The following GRHL2 variants were observed in gnomAD, a reference collection of about 807,000 sequenced individuals.
GRHL2 encodes the protein grainyhead-like protein 2 homolog.
A neutral mutation model predicts 83.8 loss-of-function variants in GRHL2; 21 were observed. The ratio of observed to expected loss-of-function variants is 0.25; its 90% CI spans 0.18 to 0.36. The LOEUF is 0.36. GRHL2 is among the 10% of genes least tolerant of loss of function. The probability of loss-of-function intolerance (pLI) is 1.00; values close to 1 mark genes in which losing one functional copy is unlikely to be tolerated. For synonymous variants in GRHL2, 280 were observed against 278.9 expected (o/e 1.00, Z -0.04); for missense variants, 623 against 781.8 (o/e 0.80, Z 2.42).
At chr8:101,646,855 G>A (rs929518269) in intron 13 of GRHL2, among the ~76,000 whole-genome samples, 2 of 152,208 alleles carry the variant, frequency 1.3e-5, no homozygotes, top group Admixed American at 6.5e-5. Flanking sequence ...TGGCTCCCTG[G>A]GAAAGCTGTG....
intron 12 of GRHL2, among the ~76,000 whole-genome samples, chr8:101,643,192 C>T (rs905168528): frequency 2.0e-5 from 3 of 152,010 alleles, no homozygotes; most frequent in Admixed American, 1.3e-4. Flanking sequence ...AGGATCATGG[C>T]ATCTGGGATT....
At chr8:101,494,280 T>A (rs1810048375) in intron 1 of GRHL2, among the ~76,000 whole-genome samples, 1 of 152,088 alleles carries the variant, frequency 6.6e-6, no homozygotes, top group Non-Finnish European at 1.5e-5. Flanking sequence ...AGGACTAGCC[T>A]CAACATAAAG....
Position 101,642,668 on chromosome 8 carries a change from C to A in GRHL2, c.1518-1463C>A, listed in dbSNP as rs147653906. ...CTGGGATCTGGGTTTTAAGTTTTTT[C>A]TCTAGTTGTTTCCATAGTTTGACTT... On this transcript the variant is annotated intron_variant, in intron 12 of 15. Transcript: ENST00000646743. Among the ~76,000 whole-genome samples, 554 of 152,226 alleles carry A rather than the reference C, an allele frequency of 3.6e-3. 1 individual carries two copies. Among genetic ancestry groups the A allele is most frequent in the African/African-American group, 0.012 (502 of 41,546 alleles).
chr8:101,662,023 A>T (rs1286221027), intron 14 of GRHL2, among the ~76,000 whole-genome samples: 1 of 152,200 alleles, frequency 6.6e-6, no homozygotes, highest in Non-Finnish European at 1.5e-5. Context: ...TTCTGACACT[A>T]TTGAGATTGC....
At position 101,652,384 on chromosome 8, in the gene GRHL2, G is replaced by GTGGTGT. The variant is rs1372190037; in HGVS notation, c.1698+2885_1698+2886insTGGTGT. Reference sequence around the variant, plus strand: ...GTGTGTGTGTGTCTGATGTGTGTGTGGTGTGTGTGTGTGTCTGGTGTGTGT... The same window carrying GTGGTGT: ...GTGTGTGTGTGTCTGATGTGTGTGTGTGGTGTGTGTGTGTGTGTGTCTGGTGTGTGT... On this transcript the variant is annotated intron_variant, in intron 14 of 15. Coordinates refer to ENST00000646743, the MANE Select transcript of GRHL2 (RefSeq NM_024915.4). Among the ~76,000 whole-genome samples, 11 of 61,440 alleles carry GTGGTGT rather than the reference G, an allele frequency of 1.8e-4. 1 individual carries two copies. Among genetic ancestry groups the GTGGTGT allele is most frequent in the South Asian group, 5.6e-4 (1 of 1,790 alleles). The allele number at this position is 61,440 out of a possible 152,430, so 40.3% of individuals were successfully genotyped here.
intron 4 of GRHL2, among the ~76,000 whole-genome samples, chr8:101,567,114 T>G (rs2222622): frequency 0.043 from 6,478 of 152,312 alleles, 429 homozygotes; most frequent in African/African-American, 0.15. Context: ...TTGAGACATA[T>G]TCTTACCAGA....
At chr8:101,648,352 G>A (rs13262244) in intron 13 of GRHL2, among the ~76,000 whole-genome samples, 65,193 of 152,038 alleles carry the variant, frequency 0.43, 16,587 homozygotes, top group Non-Finnish European at 0.56. Flanking sequence ...TACTCTCTAC[G>A]TTCTGAAATT....
chr8:101,575,633 C>T (rs866554066), intron 6 of GRHL2, among the ~76,000 whole-genome samples: 3 of 152,158 alleles, frequency 2.0e-5, no homozygotes, highest in African/African-American at 2.4e-5. Flanking sequence ...TTTCAAACTG[C>T]GTTTTCCTTT....
intron 3 of GRHL2, among the ~76,000 whole-genome samples, chr8:101,557,432 C>T (rs1376956841): frequency 6.6e-6 from 1 of 151,988 alleles, no homozygotes; most frequent in Non-Finnish European, 1.5e-5. Flanking sequence ...CCATTTTGGC[C>T]AGGCTGGTCT....
intron 3 of GRHL2, among the ~76,000 whole-genome samples, chr8:101,557,589 G>C (rs6994300): frequency 6.6e-6 from 1 of 152,064 alleles, no homozygotes; most frequent in African/African-American, 2.4e-5. Flanking sequence ...CCCATTGCCT[G>C]ATAATTGCCT....
downstream of GRHL2, among the ~76,000 whole-genome samples, chr8:101,671,378 C>T (rs571976379): frequency 1.2e-4 from 18 of 152,182 alleles, no homozygotes; most frequent in Admixed American, 3.9e-4. Flanking sequence ...GCACGTGGCT[C>T]GGAGGGTCCT....
chr8:101,572,924 C>T (rs1451117843), intron 5 of GRHL2, among the ~76,000 whole-genome samples: 2 of 152,206 alleles, frequency 1.3e-5, no homozygotes, highest in Non-Finnish European at 2.9e-5. Flanking sequence ...ACCACAACGA[C>T]TCAACCTTGC....
intron 1 of GRHL2, among the ~76,000 whole-genome samples, chr8:101,512,724 G>T (rs1414449851): frequency 1.3e-5 from 2 of 152,114 alleles, no homozygotes; most frequent in Non-Finnish European, 2.9e-5. Flanking sequence ...CTTTTATTAC[G>T]CTGGTCGGGA....
intron 14 of GRHL2, among the ~76,000 whole-genome samples, chr8:101,657,848 GAAAAAGAA>G (rs553008100): frequency 1.6e-3 from 235 of 150,674 alleles, no homozygotes; most frequent in Non-Finnish European, 2.4e-3. Flanking sequence ...AAAAAAGACA[GAAAAAGAA>G]AAAAAGAAAA....
At chr8:101,554,865 T>G (rs76140923) in intron 3 of GRHL2, among the ~76,000 whole-genome samples, 1 of 28,880 alleles carries the variant, frequency 3.5e-5, no homozygotes, top group Non-Finnish European at 2.1e-4. Flanking sequence ...GTTTTAATTA[T>G]TCATTTTTTA....
intron 14 of GRHL2, among the ~76,000 whole-genome samples, chr8:101,659,458 C>T (rs1813870813): frequency 6.6e-6 from 1 of 152,180 alleles, no homozygotes; most frequent in African/African-American, 2.4e-5. Flanking sequence ...GATGTGGAAG[C>T]AGGTTGTCCT....
At chr8:101,600,249 G>T (rs1218989947) in intron 8 of GRHL2, among the ~76,000 whole-genome samples, 6 of 152,190 alleles carry the variant, frequency 3.9e-5, no homozygotes, top group Admixed American at 3.9e-4. Context: ...AGTTTCCGTG[G>T]CTCAGTGCCT....
chr8:101,636,804 A>G (rs1331881905), intron 11 of GRHL2, 93 bp from the exon 12 acceptor site: 10 of 1,062,952 alleles, frequency 9.4e-6, no homozygotes, highest in South Asian at 8.8e-5. Context: ...TTTTTAAGAG[A>G]CAGTTTATGC....
chr8:101,543,765 G>A (rs1811203368), intron 2 of GRHL2: 4 of 349,930 alleles, frequency 1.1e-5, no homozygotes, highest in South Asian at 1.0e-4. Flanking sequence ...TATTTTTGCT[G>A]AATGAAGTAT....
Sources: gnomAD v4.1 joint callset for allele counts (sites outside exome capture counted in the v4.1 genomes callset) on GRCh38, gnomAD v4.1.1 for gene constraint, MANE v1.5 for transcripts, NCBI Gene and HGNC (gene_info 2026-07-23, HGNC 2026-07-21) for gene names.